LPIN1: variants seen among roughly 807,000 people sequenced by gnomAD.
LPIN1 encodes lipin 1, also known as phosphatidate phosphatase LPIN1.
Under a neutral mutation model 107.5 loss-of-function variants are expected in LPIN1, and 71 were observed. That is an observed-to-expected ratio of 0.66 (90% confidence interval 0.55 to 0.80). The LOEUF (loss-of-function observed/expected upper bound fraction) is 0.80. LPIN1 is among the 30% of genes least tolerant of loss of function. The pLI is 0.00. For missense variants in LPIN1, 1,043 were observed against 1,160.6 expected (o/e 0.90, Z 1.47); for synonymous variants, 445 against 452.6 (o/e 0.98, Z 0.21).
chr2:11,707,332 G>T lies in LPIN1; in HGVS notation c.82-6424G>T, dbSNP rs892283068. Among the ~76,000 whole-genome samples the T allele has an allele frequency of 3.3e-5, 5 of 152,198 alleles. No homozygotes were observed. Among genetic ancestry groups the T allele is most frequent in the Non-Finnish European group, 7.3e-5 (5 of 68,040 alleles). ...AGAGAAGGAGGCTTAGGGAGAATCTGCCAGGCAGAGGAACAGCTCATGCAC... is the reference window on the plus strand; with the variant it reads ...AGAGAAGGAGGCTTAGGGAGAATCTTCCAGGCAGAGGAACAGCTCATGCAC... On this transcript the variant is annotated intron_variant, in intron 1 of 21. Transcript: ENST00000449576. This position sits in a 1 kb window ranked among gnomAD's most constrained non-coding sequence, Gnocchi z 4.2.
intron 18 of LPIN1, chr2:11,817,187 C>A (rs572759375): frequency 6.6e-6 from 1 of 152,122 alleles, no homozygotes; most frequent in Non-Finnish European, 1.5e-5. Flanking sequence ...CACAAATGAC[C>A]TTCCTTAGCA....
chr2:11,798,775 TAAA>T (rs780195460), intron 14 of LPIN1, among the ~76,000 whole-genome samples: 2 of 131,508 alleles, frequency 1.5e-5, no homozygotes, highest in Admixed American at 7.7e-5. Context: ...TGCAGTTGAC[TAAA>T]AAAAAAAAAA....
chr2:11,683,012 T>C (rs1301409452), intron 1 of LPIN1: 1 of 152,174 alleles, frequency 6.6e-6, no homozygotes, highest in Non-Finnish European at 1.5e-5. Context: ...ACCGGCTACT[T>C]TGGGGGCCCC....
chr2:11,820,328 C>T (rs1053804991), intron 19 of LPIN1, 83 bp from the exon 20 acceptor site: 17 of 878,346 alleles, frequency 1.9e-5, no homozygotes, highest in Non-Finnish European at 3.1e-5. Flanking sequence ...TTTGATATCT[C>T]ATCAAATCAG....
rs535630971 is a variant in LPIN1 at position 11,752,906 on chromosome 2, G to C, written c.-10+6235G>C. Among the ~76,000 whole-genome samples the C allele has an allele frequency of 3.7e-4, 57 of 152,284 alleles. 1 individual carries two copies. Among genetic ancestry groups the C allele is most frequent in the African/African-American group, 1.2e-3 (51 of 41,536 alleles). The stretch of plus-strand genomic sequence containing the variant: ...TTCTGCCAATTTTGGAATAAATGTG[G>C]AATTTTCTAATTTAATCGTGAGGCA... On this transcript the variant is annotated intron_variant, in intron 1 of 20. Coordinates refer to ENST00000674199, the MANE Select transcript of LPIN1 (RefSeq NM_001349206.2).
At position 11,707,825 on chromosome 2, in the gene LPIN1, C is replaced by A. The variant is rs1008152994; in HGVS notation, c.82-5931C>A. Among the ~76,000 whole-genome samples, 4 of 152,286 alleles carry A rather than the reference C, an allele frequency of 2.6e-5. No homozygotes were observed. Among genetic ancestry groups the A allele is most frequent in the Admixed American group, 6.5e-5 (1 of 15,294 alleles). ...GCTGGGATGGACCTTACCATTGAGC[C>A]AGGCATGATTACTTCCTTCAAATGA... On this transcript the variant is annotated intron_variant, in intron 1 of 21. Transcript: ENST00000449576. This position sits in a 1 kb window ranked among gnomAD's most constrained non-coding sequence, Gnocchi z 4.2.
At chr2:11,764,535 C>T (rs559657477) in intron 1 of LPIN1, among the ~76,000 whole-genome samples, 187 of 152,328 alleles carry the variant, frequency 1.2e-3, no homozygotes, top group Middle Eastern at 3.4e-3. Flanking sequence ...GGTGTGGCCC[C>T]AGGCCCTGTA....
rs768925762 is a variant in LPIN1 at position 11,724,383 on chromosome 2, C to T, written c.-228C>T. On this transcript the variant is annotated 5_prime_UTR_variant, in exon 1 of 22. Coordinates refer to the LPIN1 transcript ENST00000396097. ...CTGGAGAGGGAGAGAGGATGGGAGG[C>T]GAGGAGGCAGCCTGAGGGAAGGAAC... 1,018 of 985,934 alleles carry T rather than the reference C, an allele frequency of 1.0e-3. 1 individual carries two copies. The highest frequency in any genetic ancestry group is 1.2e-3 in the Non-Finnish European group (987 of 830,458). The allele number at this position is 985,934 out of a possible 1,614,324, so 61.1% of individuals were successfully genotyped here. A position where few individuals can be genotyped will look rare whatever the true frequency, so the allele number is the denominator to read the frequency against.
intron 1 of LPIN1, among the ~76,000 whole-genome samples, chr2:11,710,863 A>G (rs1663371808): frequency 6.6e-6 from 1 of 152,114 alleles, no homozygotes; most frequent in East Asian, 1.9e-4. Context: ...GAATTACAAC[A>G]AATAGTTGTG....
At position 11,825,842 on chromosome 2, in the gene LPIN1, T is replaced by C. The variant is rs1682299684; in HGVS notation, c.*1051T>C. On this transcript the variant is annotated 3_prime_UTR_variant, in exon 21 of 21. Coordinates refer to ENST00000674199, the MANE Select transcript of LPIN1 (RefSeq NM_001349206.2). The surrounding 1 kb of genome is among the most constrained non-coding windows in gnomAD (Gnocchi z 4.1). ...TGTGATAGGCATTTATTCATATTCT[T>C]TCTATACCACTGTCATTAATATATT... 1 of 152,248 alleles carries C rather than the reference T, an allele frequency of 6.6e-6. No homozygotes were observed. Among genetic ancestry groups the C allele is most frequent in the East Asian group, 1.9e-4 (1 of 5,204 alleles). 9.4% of individuals were successfully genotyped at this position (152,248 alleles called of 1,614,324 possible). A position where few individuals can be genotyped will look rare whatever the true frequency, so the allele number is the denominator to read the frequency against.
In LPIN1 at chr2:11,803,492, A is replaced by C. The variant is rs1678137437; in HGVS notation, c.2013+459A>C. 6.6e-6 allele frequency among the ~76,000 whole-genome samples: 1 copy of C among 151,852 alleles called. No individual in the cohort carries two copies. Among genetic ancestry groups the C allele is most frequent in the Admixed American group, 6.5e-5 (1 of 15,268 alleles). ...CATCACCTGGTCATGGTGTCCTTTT[A>C]TTTTTCTGTGTGTGAGACCAGTTTT... On this transcript the variant is annotated intron_variant, in intron 15 of 20. Transcript: ENST00000674199. This position sits in a 1 kb window ranked among gnomAD's most constrained non-coding sequence, Gnocchi z 4.2.
In LPIN1 at chr2:11,724,384, G is replaced by A. The variant is rs900459196; in HGVS notation, c.-227G>A. ...TGGAGAGGGAGAGAGGATGGGAGGC[G>A]AGGAGGCAGCCTGAGGGAAGGAACA... On this transcript the variant is annotated 5_prime_UTR_variant, in exon 1 of 22. Transcript: ENST00000396097. The A allele has an allele frequency of 5.5e-5, 54 of 986,246 alleles. No individual in the cohort carries two copies. The East Asian group carries it at 6.8e-4, about 12-fold the overall frequency. The allele number at this position is 986,246 out of a possible 1,614,324, so 61.1% of individuals were successfully genotyped here. A position where few individuals can be genotyped will look rare whatever the true frequency, so the allele number is the denominator to read the frequency against.
chr2:11,686,225 G>C (rs1343309368), intron 1 of LPIN1, among the ~76,000 whole-genome samples: 2 of 152,130 alleles, frequency 1.3e-5, no homozygotes, highest in Non-Finnish European at 2.9e-5. Context: ...GCCTGTTCTG[G>C]GCTTCATCAA....
At chr2:11,767,927 CG>C (rs781355994) in intron 3 of LPIN1, 69 bp downstream of exon 3, 3 of 1,011,536 alleles carry the variant, frequency 3.0e-6, no homozygotes, top group Non-Finnish European at 4.7e-6. Context: ...TCTGGAAACA[CG>C]GCAGAAGTTT....
At chr2:11,738,028 C>T (rs550749384) in intron 1 of LPIN1, among the ~76,000 whole-genome samples, 6 of 152,284 alleles carry the variant, frequency 3.9e-5, no homozygotes, top group African/African-American at 1.4e-4. Flanking sequence ...AAAAGTGGCA[C>T]ATATACACCA....
At chr2:11,709,353 G>A (rs559993467) in intron 1 of LPIN1, among the ~76,000 whole-genome samples, 48 of 152,322 alleles carry the variant, frequency 3.2e-4, no homozygotes, top group African/African-American at 9.4e-4. Flanking sequence ...TCGAGCCTCC[G>A]TTAGATGGAA....
chr2:11,692,878 G>C (rs150212465), intron 1 of LPIN1, among the ~76,000 whole-genome samples: 1 of 152,336 alleles, frequency 6.6e-6, no homozygotes, highest in East Asian at 1.9e-4. Flanking sequence ...ATGATACAGA[G>C]ATAAATAGGA....
intron 1 of LPIN1, among the ~76,000 whole-genome samples, chr2:11,695,234 T>A (rs554626420): frequency 3.8e-4 from 58 of 152,252 alleles, no homozygotes; most frequent in African/African-American, 1.3e-3. Context: ...ACAATTAATA[T>A]AGTAAATATG....
chr2:11,767,594 C>T, intron 2 of LPIN1, 169 bp from the exon 3 acceptor site: 1 of 666,982 alleles, frequency 1.5e-6, no homozygotes, highest in Non-Finnish European at 2.8e-6. Flanking sequence ...TCCTCCAGTC[C>T]TCAAGTGACA....
Sources: gnomAD v4.1 joint callset for allele counts (sites outside exome capture counted in the v4.1 genomes callset) on GRCh38, gnomAD v4.1.1 for gene constraint, Gnocchi (gnomAD v3.1) non-coding constraint, MANE v1.5 for transcripts, NCBI Gene and HGNC (gene_info 2026-07-23, HGNC 2026-07-21) for gene names.